Variants in SOX6 observed in about 807,000 individuals in gnomAD.
SOX6 encodes the protein transcription factor SOX-6.
SOX6 carries 11 observed loss-of-function variants against 97.8 expected under a neutral mutation model. The ratio of observed to expected loss-of-function variants is 0.11; its 90% CI spans 0.07 to 0.19. The LOEUF (loss-of-function observed/expected upper bound fraction) is 0.19. Ranked by LOEUF, SOX6 falls within the 10% of genes least tolerant of loss-of-function variation. The pLI, the probability that SOX6 is intolerant of heterozygous loss-of-function variation, is 1.00. For missense variants in SOX6, 810 were observed against 1,039.5 expected (o/e 0.78, Z 3.04); for synonymous variants, 360 against 371.4 (o/e 0.97, Z 0.35).
intron 9 of SOX6, among the ~76,000 whole-genome samples, chr11:16,094,433 CAAAAG>C (rs1484767114): frequency 1.3e-5 from 2 of 151,732 alleles, no homozygotes; most frequent in African/African-American, 2.4e-5. Flanking sequence ...ACAGAAAATC[CAAAAG>C]AAAAGTCCAA....
At chr11:16,411,022 G>C (rs1858799778) in intron 1 of SOX6, among the ~76,000 whole-genome samples, 1 of 151,642 alleles carries the variant, frequency 6.6e-6, no homozygotes, top group Non-Finnish European at 1.5e-5. Context: ...ACACATAGAA[G>C]GGTTAAAGGA....
At chr11:16,065,179 T>C (rs918472883) in intron 9 of SOX6, among the ~76,000 whole-genome samples, 3 of 151,904 alleles carry the variant, frequency 2.0e-5, no homozygotes, top group Non-Finnish European at 4.4e-5. Context: ...TTGCAGGATA[T>C]AAAATCAACA....
intron 1 of SOX6, among the ~76,000 whole-genome samples, chr11:16,389,418 C>CTA (rs1173104758): frequency 1.3e-5 from 2 of 152,142 alleles, no homozygotes; most frequent in Non-Finnish European, 2.9e-5. Flanking sequence ...TTCTATTGAT[C>CTA]TATCTTCAGT....
chr11:16,579,864 G>T (rs966575083), intron 4 of SOX6, among the ~76,000 whole-genome samples: 1 of 152,042 alleles, frequency 6.6e-6, no homozygotes, highest in African/African-American at 2.4e-5. Flanking sequence ...AGTAAATACT[G>T]CCAGATAGTT....
intron 1 of SOX6, among the ~76,000 whole-genome samples, chr11:16,465,352 A>G (rs973605914): frequency 4.6e-5 from 7 of 152,188 alleles, no homozygotes; most frequent in Non-Finnish European, 8.8e-5. Flanking sequence ...CAGCTGTCCA[A>G]TGAGCATACA....
intron 1 of SOX6, among the ~76,000 whole-genome samples, chr11:16,458,381 G>A (rs2133103551): frequency 6.6e-6 from 1 of 150,446 alleles, no homozygotes; most frequent in South Asian, 2.1e-4. Flanking sequence ...CTAACCCATA[G>A]TATATTCACC....
intron 2 of SOX6, among the ~76,000 whole-genome samples, chr11:16,734,569 G>C (rs919603416): frequency 2.6e-5 from 4 of 151,950 alleles, no homozygotes; most frequent in African/African-American, 9.7e-5. Flanking sequence ...TACTCTCCTT[G>C]TTGACCCACC....
At chr11:16,166,804 C>T (rs1025930135) in intron 6 of SOX6, among the ~76,000 whole-genome samples, 2 of 151,908 alleles carry the variant, frequency 1.3e-5, no homozygotes, top group African/African-American at 4.8e-5. Flanking sequence ...AATGGGTATT[C>T]CAAGTAGAAA....
At chr11:16,518,065 T>A (rs756073856) in intron 4 of SOX6, among the ~76,000 whole-genome samples, 1 of 152,176 alleles carries the variant, frequency 6.6e-6, no homozygotes, top group Non-Finnish European at 1.5e-5. Flanking sequence ...TATGATCATG[T>A]CACTAGTATG....
intron 4 of SOX6, among the ~76,000 whole-genome samples, chr11:16,208,801 A>G: frequency 6.6e-6 from 1 of 152,192 alleles, no homozygotes; most frequent in East Asian, 1.9e-4. Context: ...ACAAAATCTT[A>G]CAAAAGCATG....
At chr11:16,160,560 G>A (rs2134069196) in intron 6 of SOX6, among the ~76,000 whole-genome samples, 1 of 152,302 alleles carries the variant, frequency 6.6e-6, no homozygotes, top group Admixed American at 6.5e-5. Flanking sequence ...GGAGGCTAAT[G>A]TGGTTTTTAA....
In SOX6 at chr11:16,060,571, A is replaced by T. The variant is rs1309732128; in HGVS notation, c.1102-4670T>A. ...TCTGTCTAACAAAACATATGATTTTAGTATAAATATCATTCTATTCAGATT... is the reference window on the plus strand; with the variant it reads ...TCTGTCTAACAAAACATATGATTTTTGTATAAATATCATTCTATTCAGATT... On this transcript the variant is annotated intron_variant, in intron 9 of 15. Coordinates refer to ENST00000683767, the MANE Select transcript of SOX6 (RefSeq NM_001367873.1). Among the ~76,000 whole-genome samples, 5 of 151,988 alleles carry T rather than the reference A, an allele frequency of 3.3e-5. No individual in the cohort carries two copies. The South Asian group carries it at 6.2e-4, about 19-fold the overall frequency.
In SOX6 at chr11:15,968,574, T is replaced by C. The variant is rs1853207065; in HGVS notation, c.*4235A>G. 1 of 152,238 alleles carries C rather than the reference T, an allele frequency of 6.6e-6. No homozygotes were observed. Among genetic ancestry groups the C allele is most frequent in the Non-Finnish European group, 1.5e-5 (1 of 68,072 alleles). 9.4% of individuals were successfully genotyped at this position (152,238 alleles called of 1,614,324 possible). A position where few individuals can be genotyped will look rare whatever the true frequency, so the allele number is the denominator to read the frequency against. On this transcript the variant is annotated 3_prime_UTR_variant, in exon 16 of 16. Transcript: ENST00000683767. ...AACAATCCCTGCTTTCTGCTAGTGC[T>C]TGTGCTCCTGGCTCAGGAGGGTGTA...
At chr11:16,333,284 A>G (rs1044096886) in intron 2 of SOX6, among the ~76,000 whole-genome samples, 2 of 152,188 alleles carry the variant, frequency 1.3e-5, no homozygotes, top group African/African-American at 4.8e-5. Context: ...TCTAATCACA[A>G]TAAGTTCAAA....
chr11:16,651,363 C>A (rs956404258), intron 3 of SOX6, among the ~76,000 whole-genome samples: 1 of 151,934 alleles, frequency 6.6e-6, no homozygotes, highest in African/African-American at 2.4e-5. Context: ...AACATAGATG[C>A]AAAAATCCTC....
intron 4 of SOX6, among the ~76,000 whole-genome samples, chr11:16,598,906 G>A (rs1042875772): frequency 1.3e-5 from 2 of 152,040 alleles, no homozygotes; most frequent in African/African-American, 4.8e-5. Context: ...TAGCAAGGGT[G>A]ACAGATCATT....
chr11:16,532,785 A>C (rs1281868441), intron 4 of SOX6, among the ~76,000 whole-genome samples: 1 of 151,938 alleles, frequency 6.6e-6, no homozygotes, highest in Non-Finnish European at 1.5e-5. Flanking sequence ...ATGATATGCC[A>C]GTACTGTCAA....
intron 3 of SOX6, among the ~76,000 whole-genome samples, chr11:16,296,482 C>A (rs1215414225): frequency 6.6e-6 from 1 of 152,020 alleles, no homozygotes; most frequent in Non-Finnish European, 1.5e-5. Context: ...GCACTGTTGA[C>A]TAATCAGAAT....
intron 4 of SOX6, among the ~76,000 whole-genome samples, chr11:16,582,514 C>T (rs1848040716): frequency 1.3e-5 from 2 of 151,756 alleles, no homozygotes; most frequent in South Asian, 2.1e-4. Flanking sequence ...TTAATCAAGC[C>T]TTGTGGATAT....
Sources: gnomAD v4.1 joint callset for allele counts (sites outside exome capture counted in the v4.1 genomes callset) on GRCh38, gnomAD v4.1.1 for gene constraint, MANE v1.5 for transcripts, NCBI Gene and HGNC (gene_info 2026-07-23, HGNC 2026-07-21) for gene names.